The following FGD5 variants were observed in gnomAD, a reference collection of about 807,000 sequenced individuals.
The protein encoded by FGD5 is FYVE, RhoGEF and PH domain-containing protein 5.
In FGD5, 28 loss-of-function variants were observed where a neutral mutation model predicts 133.4. The ratio of observed to expected loss-of-function variants is 0.21; its 90% CI spans 0.16 to 0.29. The LOEUF is 0.29. Ranked by LOEUF, FGD5 falls within the 10% of genes least tolerant of loss-of-function variation. FGD5 has a pLI of 1.00. For synonymous variants in FGD5, 810 were observed against 776.5 expected, an observed-to-expected ratio of 1.04 and a Z score of -0.72; for missense variants, 1,858 against 1,895.2, an observed-to-expected ratio of 0.98 and a Z score of 0.36.
chr3:14,835,179 A>C (rs574136149), intron 1 of FGD5, among the ~76,000 whole-genome samples: 1 of 152,208 alleles, frequency 6.6e-6, no homozygotes, highest in Admixed American at 6.5e-5. Flanking sequence ...CCAGGTGAGC[A>C]GGGAGGCTGT....
chr3:14,856,006 T>A (rs1375185767), intron 1 of FGD5, among the ~76,000 whole-genome samples: 1 of 152,210 alleles, frequency 6.6e-6, no homozygotes, highest in Non-Finnish European at 1.5e-5. Context: ...TTTTATAGTT[T>A]TGGGTCTTAC....
At chr3:14,918,368 G>A (rs760406312) in intron 12 of FGD5, among the ~76,000 whole-genome samples, 1 of 152,216 alleles carries the variant, frequency 6.6e-6, no homozygotes, top group African/African-American at 2.4e-5. Flanking sequence ...CCATGGGGAA[G>A]GGGAAGGAGG....
chr3:14,820,977 C>G lies in FGD5; in HGVS notation c.1906C>G (p.Leu636Val), dbSNP rs1394772304. ...GCCCATCACAAAGAGCTCTCCCTCACTCCTGATCGAGAGCGACTCCCCGGA... is the reference window on the plus strand; with the variant it reads ...GCCCATCACAAAGAGCTCTCCCTCAGTCCTGATCGAGAGCGACTCCCCGGA... ...KKPITKSSPS[L>V]LIESDSPDKY... Residue 636 changes from leucine to valine, a missense_variant, in exon 1 of 20, where the codon CTC becomes GTC. Transcript: ENST00000285046. 4 of 1,613,854 alleles carry G rather than the reference C, an allele frequency of 2.5e-6. No homozygotes were observed. Among genetic ancestry groups the G allele is most frequent in the Non-Finnish European group, 3.4e-6 (4 of 1,179,892 alleles).
intron 2 of FGD5, among the ~76,000 whole-genome samples, chr3:14,868,885 TGACAAGTCA>T (rs2037551729): frequency 1.3e-5 from 2 of 152,208 alleles, no homozygotes; most frequent in Non-Finnish European, 2.9e-5. Context: ...GACACAGCAA[TGACAAGTCA>T]GACCAGTCCC....
chr3:14,829,713 G>C (rs2036669567), intron 1 of FGD5, among the ~76,000 whole-genome samples: 1 of 152,142 alleles, frequency 6.6e-6, no homozygotes, highest in South Asian at 2.1e-4. Flanking sequence ...TAATGAAGTT[G>C]GGGGGAGGTC....
chr3:14,831,471 G>A (rs1234796449), intron 1 of FGD5, among the ~76,000 whole-genome samples: 2 of 152,166 alleles, frequency 1.3e-5, no homozygotes, highest in Non-Finnish European at 1.5e-5. Context: ...ATTTTTAAGC[G>A]GCTGGGTCTC....
chr3:14,924,127 G>A lies in FGD5; in HGVS notation c.4057G>A (p.Ala1353Thr), dbSNP rs1559508367. Residue 1353 changes from alanine (A) to threonine (T), a missense_variant, in exon 17 of 20, where the codon GCC becomes ACC. Transcript: ENST00000285046. The part of the protein sequence containing the change: ...TFKKQKKVPS[A>T]LTEVAASGEG... ...CAAGAAGCAGAAGAAAGTCCCTTCA[G>A]CCCTGACAGAGGTAAAGCAGGCAGG... 1 of 1,613,936 alleles carries A rather than the reference G, an allele frequency of 6.2e-7. No homozygotes were observed. Among genetic ancestry groups the A allele is most frequent in the Non-Finnish European group, 8.5e-7 (1 of 1,179,880 alleles).
chr3:14,815,667 T>A (rs1484418451), upstream of FGD5, among the ~76,000 whole-genome samples: 1 of 152,228 alleles, frequency 6.6e-6, no homozygotes, highest in African/African-American at 2.4e-5. Context: ...TTACATACAT[T>A]TTTTAACTGC....
At chr3:14,843,189 A>AGG (rs1337102453) in intron 1 of FGD5, among the ~76,000 whole-genome samples, 1 of 152,152 alleles carries the variant, frequency 6.6e-6, no homozygotes, top group Non-Finnish European at 1.5e-5. Flanking sequence ...TCTCGATGAA[A>AGG]GGAAGGGTCC....
chr3:14,923,605 C>T (rs991348097), intron 16 of FGD5, among the ~76,000 whole-genome samples: 1 of 152,162 alleles, frequency 6.6e-6, no homozygotes. Context: ...GCTGAGCCGG[C>T]CCCTGAGAGA....
At chr3:14,921,815 T>C in intron 13 of FGD5, 103 bp from the exon 14 acceptor site, 1 of 1,076,522 alleles carries the variant, frequency 9.3e-7, no homozygotes, top group African/African-American at 1.6e-5. Context: ...GTGTGAGAGG[T>C]GCAGGCTCAA....
At chr3:14,827,281 CTTTTTTT>C (rs1176016508) in intron 1 of FGD5, among the ~76,000 whole-genome samples, 58 of 104,784 alleles carry the variant, frequency 5.5e-4, no homozygotes, top group Non-Finnish European at 8.3e-4. Context: ...TTCTGGTATT[CTTTTTTT>C]TTTTTTTTTT....
At chr3:14,853,095 A>G (rs1206921839) in intron 1 of FGD5, among the ~76,000 whole-genome samples, 1 of 151,904 alleles carries the variant, frequency 6.6e-6, no homozygotes, top group Non-Finnish European at 1.5e-5. Context: ...GGCTGTTTCC[A>G]CAGTATCACA....
At chr3:14,883,259 C>A (rs1341637534) in intron 4 of FGD5, among the ~76,000 whole-genome samples, 3 of 152,178 alleles carry the variant, frequency 2.0e-5, no homozygotes, top group Non-Finnish European at 4.4e-5. Context: ...GCGACTGAGA[C>A]CACATGTGGG....
At chr3:14,926,269 C>T in intron 18 of FGD5, 71 bp downstream of exon 18, 2 of 1,581,994 alleles carry the variant, frequency 1.3e-6, no homozygotes, top group Non-Finnish European at 1.7e-6. Context: ...TGCACACATC[C>T]TGTCACTTGC....
upstream of FGD5, among the ~76,000 whole-genome samples, chr3:14,814,128 C>T (rs959639520): frequency 6.6e-6 from 1 of 152,060 alleles, no homozygotes; most frequent in South Asian, 2.1e-4. Context: ...CCCCAGGCTC[C>T]GTGATACAAG....
At chr3:14,893,877 C>A (rs1484007843) in intron 4 of FGD5, among the ~76,000 whole-genome samples, 2 of 150,146 alleles carry the variant, frequency 1.3e-5, no homozygotes, top group Admixed American at 6.7e-5. Context: ...CCTGCCTCAG[C>A]CTCTTGAGTA....
intron 2 of FGD5, among the ~76,000 whole-genome samples, chr3:14,867,599 C>T (rs1336351725): frequency 6.6e-6 from 1 of 151,988 alleles, no homozygotes; most frequent in Non-Finnish European, 1.5e-5. Flanking sequence ...CCCTGGCCAC[C>T]CTTGGTGCCC....
chr3:14,845,090 C>G (rs2037024245), intron 1 of FGD5, among the ~76,000 whole-genome samples: 1 of 152,168 alleles, frequency 6.6e-6, no homozygotes, highest in Non-Finnish European at 1.5e-5. Flanking sequence ...TCAGAAAATG[C>G]CTACAGCTTC....
Sources: allele counts gnomAD v4.1 joint callset (sites outside exome capture counted in the v4.1 genomes callset), GRCh38; gene constraint gnomAD v4.1.1; transcripts MANE v1.5; gene names NCBI Gene and HGNC (gene_info 2026-07-23, HGNC 2026-07-21).